Variants in CELF2 observed in about 807,000 individuals in gnomAD.
CELF2 encodes the protein CUG triplet repeat RNA-binding protein 2.
CELF2 carries 8 observed loss-of-function variants against 62.6 expected under a neutral mutation model. That is an observed-to-expected ratio of 0.13 (90% confidence interval 0.07 to 0.23). The LOEUF is 0.23. CELF2 is among the 10% of genes least tolerant of loss of function. The pLI, the probability that CELF2 is intolerant of heterozygous loss-of-function variation, is 1.00. For missense variants in CELF2, 333 were observed against 671.0 expected (o/e 0.50, Z 5.56); for synonymous variants, 258 against 250.0 (o/e 1.03, Z -0.30).
Position 11,251,146 on chromosome 10 carries a change from G to A in CELF2, c.403+1945G>A, listed in dbSNP as rs113667694. On this transcript the variant is annotated intron_variant, in intron 4 of 12. Transcript: ENST00000633077. ...GAGTATTCAGGACAAGGACCATGAA[G>A]TGAAAGTCTATGGAAAAGGGTTTGT... is the stretch of plus-strand genomic sequence containing the variant. 6.3e-3 allele frequency among the ~76,000 whole-genome samples: 953 copies of A among 152,186 alleles called. 12 individuals are homozygous for A. The highest frequency in any genetic ancestry group is 0.047 in the East Asian group (241 of 5,180).
the CELF2 span, among the ~76,000 whole-genome samples, chr10:10,592,935 G>A: frequency 1.3e-5 from 2 of 152,108 alleles, no homozygotes; most frequent in South Asian, 4.1e-4. Context: ...CCACGTGAAG[G>A]GCCATAGGGA....
At chr10:11,261,224 A>G (rs746700417) in intron 5 of CELF2, among the ~76,000 whole-genome samples, 9 of 152,182 alleles carry the variant, frequency 5.9e-5, no homozygotes, top group Non-Finnish European at 1.2e-4. Flanking sequence ...CAACTAGTCT[A>G]GCTGGCTCCT....
the CELF2 span, among the ~76,000 whole-genome samples, chr10:10,679,732 C>A: frequency 6.6e-6 from 1 of 152,170 alleles, no homozygotes; most frequent in Non-Finnish European, 1.5e-5. Context: ...AAAACTGTTA[C>A]TTATATTACT....
chr10:10,600,226 G>A, the CELF2 span, among the ~76,000 whole-genome samples: 2 of 152,214 alleles, frequency 1.3e-5, no homozygotes, highest in Non-Finnish European at 1.5e-5. Context: ...ATTGGACTGC[G>A]TGGGCGTTTG....
intron 1 of CELF2, among the ~76,000 whole-genome samples, chr10:11,143,860 T>A (rs141149752): frequency 3.1e-4 from 47 of 152,382 alleles, no homozygotes; most frequent in African/African-American, 1.1e-3. Context: ...TTAAATTGTT[T>A]TTCAGAGTGG....
intron 1 of CELF2, among the ~76,000 whole-genome samples, chr10:11,142,405 CT>C (rs200389980): frequency 0.012 from 1,778 of 152,128 alleles, 29 homozygotes; most frequent in African/African-American, 0.041. Context: ...CTGGGCTGGG[CT>C]GGGCGCGGTG....
intron 1 of CELF2, among the ~76,000 whole-genome samples, chr10:10,840,865 C>T (rs755374428): frequency 2.1e-4 from 32 of 152,146 alleles, no homozygotes; most frequent in Admixed American, 5.2e-4. Context: ...TAACAGGCCC[C>T]GGTGTGTGAT....
At chr10:10,929,755 G>C (rs1395096519) in intron 2 of CELF2, 3 of 152,204 alleles carry the variant, frequency 2.0e-5, no homozygotes, top group African/African-American at 7.2e-5. Context: ...CTTATTATAA[G>C]GAAATTAAAG....
At chr10:10,797,662 G>T (rs959719782), upstream of CELF2, among the ~76,000 whole-genome samples, 2 of 152,254 alleles carry the variant, frequency 1.3e-5, no homozygotes, top group South Asian at 4.1e-4. Flanking sequence ...GCCATGGTCC[G>T]GAAGCCACTG....
rs2066458303 is a variant in CELF2 at position 10,934,810 on chromosome 10, T to C, written c.89+14811T>C. On this transcript the variant is annotated intron_variant, in intron 2 of 13. Coordinates refer to the CELF2 transcript ENST00000636488. The surrounding 1 kb of genome is among the most constrained non-coding windows in gnomAD (Gnocchi z 4.4). ...GTATGTTGTTTGCATGGAGGTTCGG[T>C]TGAAGTCATTTGGCACACCCAAATG... 1 of 152,204 alleles carries C rather than the reference T, an allele frequency of 6.6e-6. No homozygotes were observed. Among genetic ancestry groups the C allele is most frequent in the African/African-American group, 2.4e-5 (1 of 41,450 alleles). The allele number at this position is 152,204 out of a possible 1,614,324, so 9.4% of individuals were successfully genotyped here. A position where few individuals can be genotyped will look rare whatever the true frequency, so the allele number is the denominator to read the frequency against.
chr10:11,238,017 A>G (rs2072199287), intron 3 of CELF2, among the ~76,000 whole-genome samples: 1 of 152,136 alleles, frequency 6.6e-6, no homozygotes, highest in African/African-American at 2.4e-5. Context: ...AGGCATTATC[A>G]TTTCAGTGTG....
rs2055095666 is a variant in CELF2, at chr10:11,005,551, G to A, written c.53+111G>A. The A allele has an allele frequency of 6.6e-7, 1 of 1,510,028 alleles. No individual in the cohort carries two copies. The highest frequency in any genetic ancestry group is 1.7e-5 in the Admixed American group (1 of 58,070). 93.5% of individuals were successfully genotyped at this position (1,510,028 alleles called of 1,614,324 possible). A position where few individuals can be genotyped will look rare whatever the true frequency, so the allele number is the denominator to read the frequency against. On this transcript the variant is annotated intron_variant, in intron 1 of 12. Transcript: ENST00000416382. This position sits in a 1 kb window ranked among gnomAD's most constrained non-coding sequence, Gnocchi z 4.3. ...AGCTTCCTTACCTTAGAAGAGAAGG[G>A]GGGAAAAAGAATCTAAAGAGGAAGA...
the CELF2 span, among the ~76,000 whole-genome samples, chr10:10,787,469 T>C: frequency 1.3e-5 from 2 of 152,212 alleles, no homozygotes; most frequent in African/African-American, 4.8e-5. Flanking sequence ...TCAAGCTTTT[T>C]CTCTCCGGTT....
the CELF2 span, among the ~76,000 whole-genome samples, chr10:10,598,284 T>G: frequency 1.3e-5 from 2 of 152,218 alleles, no homozygotes; most frequent in African/African-American, 4.8e-5. Flanking sequence ...ACATGGGGAC[T>G]CAGTTCCTCC....
chr10:10,466,411 T>C, the CELF2 span, among the ~76,000 whole-genome samples: 6 of 152,282 alleles, frequency 3.9e-5, no homozygotes, highest in Admixed American at 3.3e-4. Context: ...CTGAGTAGTA[T>C]TTCACTATAT....
the CELF2 span, among the ~76,000 whole-genome samples, chr10:10,694,913 C>T: frequency 1.3e-5 from 2 of 150,580 alleles, no homozygotes; most frequent in Non-Finnish European, 3.0e-5. Flanking sequence ...TGTCTCTGCA[C>T]ATGAGATGGG....
chr10:10,807,135 T>A (rs1158581212), intron 1 of CELF2, among the ~76,000 whole-genome samples: 1 of 152,250 alleles, frequency 6.6e-6, no homozygotes, highest in Non-Finnish European at 1.5e-5. Context: ...TATTGGACTT[T>A]CAAAAGCCTC....
chr10:10,756,913 G>A, the CELF2 span, among the ~76,000 whole-genome samples: 1 of 152,188 alleles, frequency 6.6e-6, no homozygotes, highest in African/African-American at 2.4e-5. Context: ...GGAGGCCAAG[G>A]CAGGCAGATC....
chr10:11,017,101 C>T (rs1329563162), upstream of CELF2, among the ~76,000 whole-genome samples: 1 of 152,190 alleles, frequency 6.6e-6, no homozygotes, highest in Non-Finnish European at 1.5e-5. The surrounding 1 kb of genome is among the most constrained non-coding windows in gnomAD (Gnocchi z 5.5). Context: ...AAATTAAACT[C>T]GCCAGCTTCT....
Sources: gnomAD v4.1 joint callset for allele counts (sites outside exome capture counted in the v4.1 genomes callset) on GRCh38, gnomAD v4.1.1 for gene constraint, Gnocchi (gnomAD v3.1) non-coding constraint, MANE v1.5 for transcripts, NCBI Gene and HGNC (gene_info 2026-07-23, HGNC 2026-07-21) for gene names.